Variants in PACRG observed in about 807,000 individuals in gnomAD.
The protein encoded by PACRG is parkin coregulated.
Under a neutral mutation model 29.7 loss-of-function variants are expected in PACRG, and 29 were observed. The ratio of observed to expected loss-of-function variants is 0.98; its 90% confidence interval spans 0.73 to 1.33. The LOEUF (loss-of-function observed/expected upper bound fraction) is 1.33. Among genes scored for constraint, PACRG ranks in the 40% most tolerant of loss-of-function variants. The pLI, the probability that PACRG is intolerant of heterozygous loss-of-function variation, is 0.00. For synonymous variants in PACRG, 116 were observed against 118.7 expected (o/e 0.98, Z 0.15); for missense variants, 279 against 316.2 (o/e 0.88, Z 0.89).
intron 2 of PACRG, among the ~76,000 whole-genome samples, chr6:162,890,662 C>T (rs189537431): frequency 4.5e-4 from 69 of 152,264 alleles, no homozygotes; most frequent in African/African-American, 1.6e-3. Context: ...AAGGAGACCC[C>T]GCACTGTACC....
At chr6:162,957,558 C>A in intron 2 of PACRG, 1 of 267,356 alleles carries the variant, frequency 3.7e-6, no homozygotes, top group Non-Finnish European at 7.4e-6. Context: ...AAGCCTAAGG[C>A]AGTATGTCTA....
At chr6:163,002,474 CTA>C (rs1261771118) in intron 2 of PACRG, among the ~76,000 whole-genome samples, 2 of 152,066 alleles carry the variant, frequency 1.3e-5, no homozygotes, top group Non-Finnish European at 2.9e-5. Flanking sequence ...AATTTCAAAA[CTA>C]TCTTTTTCAG....
intron 4 of PACRG, among the ~76,000 whole-genome samples, chr6:163,178,661 C>T (rs972659539): frequency 6.6e-6 from 1 of 152,134 alleles, no homozygotes; most frequent in East Asian, 1.9e-4. Context: ...CTGTTACATG[C>T]GGCCAAACTT....
chr6:162,914,536 T>C (rs1367370238), intron 2 of PACRG, among the ~76,000 whole-genome samples: 1 of 145,848 alleles, frequency 6.9e-6, no homozygotes, highest in Non-Finnish European at 1.5e-5. Flanking sequence ...TTTTTAGTTG[T>C]TTGGGCTTTC....
chr6:162,848,763 G>A (rs1790619347), intron 2 of PACRG, among the ~76,000 whole-genome samples: 1 of 152,220 alleles, frequency 6.6e-6, no homozygotes, highest in South Asian at 2.1e-4. Context: ...ATCACTTACT[G>A]AGTGATCTGA....
At chr6:162,785,698 A>G (rs1157210261) in intron 1 of PACRG, among the ~76,000 whole-genome samples, 1 of 152,204 alleles carries the variant, frequency 6.6e-6, no homozygotes, top group Admixed American at 6.5e-5. Context: ...GCAGTTTACA[A>G]TGGGCTGTGC....
intron 2 of PACRG, among the ~76,000 whole-genome samples, chr6:162,852,013 AAGG>A: frequency 7.7e-6 from 1 of 129,958 alleles, no homozygotes; most frequent in South Asian, 3.0e-4. Flanking sequence ...GGGAGGAAGG[AAGG>A]AAGGAAGGAA....
At chr6:162,732,346 AACAGCTTC>A (rs1264873132) in intron 1 of PACRG, among the ~76,000 whole-genome samples, 1 of 152,148 alleles carries the variant, frequency 6.6e-6, no homozygotes, top group African/African-American at 2.4e-5. Context: ...ATGAAGAGCA[AACAGCTTC>A]ACTATGAGGG....
intron 2 of PACRG, among the ~76,000 whole-genome samples, chr6:162,872,963 T>G (rs1032568610): frequency 5.3e-5 from 8 of 152,162 alleles, no homozygotes; most frequent in African/African-American, 1.9e-4. Flanking sequence ...CTCAATTTTA[T>G]TAGTACATTA....
At chr6:162,728,539 GC>G in intron 1 of PACRG, 148 bp downstream of exon 1, 1 of 914,950 alleles carries the variant, frequency 1.1e-6, no homozygotes, top group Non-Finnish European at 1.6e-6. Context: ...AGCAAACGGT[GC>G]CCCACAGTGT....
rs990144900 is a variant in PACRG, at chr6:162,836,059, T to C, written c.291+21778T>C. Reference sequence around the variant, plus strand: ...ATACTTTCCTGTCCTAAATCTTGAATTCTGACATATTTTTGCATGGCTTTA... The same window carrying C: ...ATACTTTCCTGTCCTAAATCTTGAACTCTGACATATTTTTGCATGGCTTTA... On this transcript the variant is annotated intron_variant, in intron 2 of 4. Coordinates refer to ENST00000366888, the MANE Select transcript of PACRG (RefSeq NM_001080379.2). 3.9e-5 allele frequency among the ~76,000 whole-genome samples: 6 copies of C among 152,202 alleles called. No homozygotes were observed. The East Asian group carries it at 1.2e-3, about 29-fold the overall frequency.
intron 4 of PACRG, among the ~76,000 whole-genome samples, chr6:163,119,098 TC>T (rs1286367572): frequency 2.0e-5 from 3 of 152,114 alleles, no homozygotes; most frequent in African/African-American, 7.2e-5. Context: ...TCCACAAGAG[TC>T]CCCGCTGCAT....
chr6:163,112,994 G>A (rs910776673), intron 4 of PACRG, among the ~76,000 whole-genome samples: 2 of 152,112 alleles, frequency 1.3e-5, no homozygotes, highest in African/African-American at 2.4e-5. Context: ...AGAACATGGG[G>A]AGGAAGTCAA....
At chr6:162,804,428 T>A (rs1252240464) in intron 1 of PACRG, among the ~76,000 whole-genome samples, 1 of 152,210 alleles carries the variant, frequency 6.6e-6, no homozygotes, top group Non-Finnish European at 1.5e-5. Context: ...AAAGTCTTTT[T>A]CTGACTGTGT....
chr6:162,881,973 C>T (rs1373600429), intron 2 of PACRG, among the ~76,000 whole-genome samples: 1 of 113,432 alleles, frequency 8.8e-6, no homozygotes, highest in Non-Finnish European at 1.8e-5. Flanking sequence ...GGGGGGGGCA[C>T]TCTTCCACTA....
chr6:163,121,663 CTTTTTTTTTTT>C (rs771976364), intron 4 of PACRG, among the ~76,000 whole-genome samples: 1 of 126,228 alleles, frequency 7.9e-6, no homozygotes, highest in Admixed American at 8.2e-5. Context: ...TCTCGGTAAT[CTTTTTTTTTTT>C]TTTTTTTTTG....
intron 2 of PACRG, among the ~76,000 whole-genome samples, chr6:163,046,100 G>A (rs916929932): frequency 9.9e-5 from 15 of 151,860 alleles, no homozygotes; most frequent in African/African-American, 3.6e-4. Context: ...TCACCTGCCA[G>A]TTCATTCCAA....
At chr6:162,848,134 G>C (rs973404751) in intron 2 of PACRG, among the ~76,000 whole-genome samples, 2 of 152,184 alleles carry the variant, frequency 1.3e-5, no homozygotes, top group African/African-American at 4.8e-5. Flanking sequence ...GGAGAGGACA[G>C]AACGCAGGAG....
chr6:163,174,920 A>G (rs373826209), intron 4 of PACRG, among the ~76,000 whole-genome samples: 2 of 152,172 alleles, frequency 1.3e-5, no homozygotes, highest in East Asian at 1.9e-4. Context: ...CCTTTGATAC[A>G]TGAAGAAACT....
Sources: allele counts gnomAD v4.1 joint callset (sites outside exome capture counted in the v4.1 genomes callset), GRCh38; gene constraint gnomAD v4.1.1; transcripts MANE v1.5; gene names NCBI Gene and HGNC (gene_info 2026-07-23, HGNC 2026-07-21).